The following PREX2 variants were observed in gnomAD, a reference collection of about 807,000 sequenced individuals.
PREX2 encodes phosphatidylinositol-3,4,5-trisphosphate dependent Rac exchange factor 2.
Under a neutral mutation model 203.2 loss-of-function variants are expected in PREX2, and 107 were observed. The observed-to-expected ratio is 0.53, with a 90% CI of 0.45 to 0.62. The LOEUF is 0.62. Among genes scored for constraint, PREX2 ranks in the 20% least tolerant of loss-of-function variants. The probability of loss-of-function intolerance (pLI) is 0.00; values close to 1 mark genes in which losing one functional copy is unlikely to be tolerated. For synonymous variants in PREX2, 672 were observed against 663.6 expected (o/e 1.01, Z -0.19); for missense variants, 1,777 against 1,955.9 (o/e 0.91, Z 1.72).
In PREX2 at chr8:68,087,735, T is replaced by C; in HGVS notation, c.2039T>C (p.Ile680Thr). The change falls in exon 19 of 40, where the codon ATT becomes ACT. Residue 680 changes from isoleucine to threonine, a missense_variant. Transcript: ENST00000288368. ...TCTGATTGATTTAGGACAGTGAAAATTCCAGATTCAGCTGATGGACTTGGC... is the reference window on the plus strand; with the variant it reads ...TCTGATTGATTTAGGACAGTGAAAACTCCAGATTCAGCTGATGGACTTGGC... ...VSTKPRETVK[I>T]PDSADGLGFQ... is the part of the protein sequence containing the mutation. The C allele has an allele frequency of 6.2e-7, 1 of 1,613,184 alleles. No homozygotes were observed. Among genetic ancestry groups the C allele is most frequent in the South Asian group, 1.1e-5 (1 of 91,074 alleles).
At chr8:68,037,089 T>G (rs1808056384) in intron 6 of PREX2, among the ~76,000 whole-genome samples, 1 of 152,340 alleles carries the variant, frequency 6.6e-6, no homozygotes, top group South Asian at 2.1e-4. Flanking sequence ...AATTTAAATT[T>G]TTACAATTGA....
At chr8:67,969,321 C>G (rs1400077225) in intron 1 of PREX2, among the ~76,000 whole-genome samples, 1 of 152,174 alleles carries the variant, frequency 6.6e-6, no homozygotes, top group Admixed American at 6.5e-5. Context: ...CTTCAGAGAT[C>G]TCTGCTACCT....
At chr8:68,191,641 G>T (rs761414164) in intron 35 of PREX2, 81 bp from the exon 36 acceptor site, 9 of 1,004,504 alleles carry the variant, frequency 9.0e-6, no homozygotes, top group African/African-American at 1.6e-5. Context: ...TTAAAAAAAA[G>T]TCAGTGATTC....
intron 11 of PREX2, among the ~76,000 whole-genome samples, chr8:68,063,836 T>G (rs1808936297): frequency 6.6e-6 from 1 of 152,194 alleles, no homozygotes; most frequent in Non-Finnish European, 1.5e-5. Flanking sequence ...AATTTCACAT[T>G]AATAGAATAA....
intron 35 of PREX2, among the ~76,000 whole-genome samples, chr8:68,173,190 C>T (rs910967479): frequency 6.6e-6 from 1 of 152,078 alleles, no homozygotes; most frequent in Non-Finnish European, 1.5e-5. Context: ...ACACATTGGC[C>T]ATCTTTTCTG....
intron 31 of PREX2, among the ~76,000 whole-genome samples, chr8:68,131,843 A>T (rs964916308): frequency 3.3e-5 from 5 of 152,180 alleles, no homozygotes; most frequent in Non-Finnish European, 7.4e-5. Flanking sequence ...CTCAATATCC[A>T]TAATTTCTTT....
intron 18 of PREX2, among the ~76,000 whole-genome samples, chr8:68,087,207 A>G (rs1035263517): frequency 6.6e-6 from 1 of 152,194 alleles, no homozygotes; most frequent in Non-Finnish European, 1.5e-5. Flanking sequence ...ATCCACCTAC[A>G]AACTGACTAC....
In PREX2 at chr8:68,073,517, A is replaced by T. The variant is rs536461900; in HGVS notation, c.1569+947A>T. Among the ~76,000 whole-genome samples, 3 of 152,262 alleles carry T rather than the reference A, an allele frequency of 2.0e-5. No individual in the cohort carries two copies. In the South Asian group the frequency reaches 6.2e-4, roughly 32 times the overall value. The stretch of plus-strand genomic sequence containing the variant: ...GGTTCATCTGTACACACATATTTTG[A>T]TAATTTATATTAGTTAATATTATTT... On this transcript the variant is annotated intron_variant, in intron 14 of 39. Transcript: ENST00000288368.
intron 1 of PREX2, among the ~76,000 whole-genome samples, chr8:68,014,786 A>G (rs1807366151): frequency 6.6e-6 from 1 of 152,208 alleles, no homozygotes; most frequent in Admixed American, 6.5e-5. Context: ...AACATAAAGA[A>G]TTGTTCATCA....
intron 18 of PREX2, among the ~76,000 whole-genome samples, chr8:68,085,237 G>C (rs1443672264): frequency 1.3e-5 from 2 of 152,142 alleles, no homozygotes; most frequent in East Asian, 3.9e-4. Flanking sequence ...ACCCAGTGAT[G>C]TTATATATGA....
At chr8:68,187,395 A>C (rs1464099895) in intron 35 of PREX2, among the ~76,000 whole-genome samples, 3 of 152,190 alleles carry the variant, frequency 2.0e-5, no homozygotes, top group Admixed American at 1.3e-4. Flanking sequence ...CCTTAATATT[A>C]TGCCTTATCA....
At chr8:68,029,655 C>T (rs941204577) in intron 5 of PREX2, among the ~76,000 whole-genome samples, 3 of 152,054 alleles carry the variant, frequency 2.0e-5, no homozygotes, top group Admixed American at 2.0e-4. Flanking sequence ...GTGTTAGTTA[C>T]GTGATGATGG....
intron 8 of PREX2, among the ~76,000 whole-genome samples, chr8:68,045,408 G>A (rs1808322852): frequency 6.6e-6 from 1 of 152,080 alleles, no homozygotes; most frequent in African/African-American, 2.4e-5. Flanking sequence ...ACACAGATCA[G>A]CTCCCTCCAC....
At chr8:68,052,987 A>G in intron 8 of PREX2, 110 bp from the exon 9 acceptor site, 2 of 873,644 alleles carry the variant, frequency 2.3e-6, no homozygotes, top group East Asian at 2.5e-5. Context: ...AAGCAAAGAG[A>G]TGTTGAACAA....
intron 1 of PREX2, among the ~76,000 whole-genome samples, chr8:67,975,402 T>C (rs1229133258): frequency 1.3e-5 from 2 of 151,676 alleles, no homozygotes; most frequent in South Asian, 2.1e-4. Context: ...ATAACTAATT[T>C]CTAATGCAGT....
At chr8:68,108,492 A>G (rs1461916466) in intron 24 of PREX2, among the ~76,000 whole-genome samples, 161 bp downstream of exon 24, 1 of 152,214 alleles carries the variant, frequency 6.6e-6, no homozygotes, top group African/African-American at 2.4e-5. Context: ...AATTATGCCT[A>G]AGTGTATACT....
intron 37 of PREX2, among the ~76,000 whole-genome samples, chr8:68,197,714 T>C (rs535327110): frequency 6.7e-6 from 1 of 148,500 alleles, no homozygotes; most frequent in South Asian, 2.1e-4. Flanking sequence ...AATATATATA[T>C]AATCTATGCT....
intron 23 of PREX2, chr8:68,105,678 GGAT>G: frequency 4.8e-6 from 1 of 208,604 alleles, no homozygotes; most frequent in Non-Finnish European, 5.3e-6. Context: ...ATATATATAT[GGAT>G]TATATATATA....
At chr8:68,139,636 C>T (rs148192246) in intron 33 of PREX2, among the ~76,000 whole-genome samples, 1 of 152,328 alleles carries the variant, frequency 6.6e-6, no homozygotes, top group East Asian at 1.9e-4. Context: ...AAAGCTACCT[C>T]TCCCAGGTGG....
Sources: gnomAD v4.1 joint callset for allele counts (sites outside exome capture counted in the v4.1 genomes callset) on GRCh38, gnomAD v4.1.1 for gene constraint, MANE v1.5 for transcripts, NCBI Gene and HGNC (gene_info 2026-07-23, HGNC 2026-07-21) for gene names.